The following ANKRD63 variants were observed in gnomAD, a reference collection of about 807,000 sequenced individuals.
ANKRD63 encodes ankyrin repeat domain-containing protein 63.
Under a neutral mutation model 21.2 loss-of-function variants are expected in ANKRD63, and 18 were observed. The observed-to-expected ratio is 0.85, with a 90% CI of 0.59 to 1.26. The LOEUF (loss-of-function observed/expected upper bound fraction) is 1.26. Among genes scored for constraint, ANKRD63 ranks in the 50% most tolerant of loss-of-function variants. The pLI is 0.00. For missense variants in ANKRD63, 523 were observed against 570.9 expected (o/e 0.92, Z 0.85); for synonymous variants, 322 against 273.3 (o/e 1.18, Z -1.76).
chr15:40,279,537 CGGGGCGCAGCGGGGA>C lies in ANKRD63; in HGVS notation c.*1892_*1906del, dbSNP rs1302720275. ...AAACCAGGATGTCTGAGCTCCGAGC[CGGGGCGCAGCGGGGA>C]GGGCCCAGCGCTGCCACCAGGGGGC... On this transcript the variant is annotated 3_prime_UTR_variant, in exon 1 of 1. Transcript: ENST00000434396. 6.6e-6 allele frequency among the ~76,000 whole-genome samples: 1 copy of C among 152,228 alleles called. No homozygotes were observed. Among genetic ancestry groups the C allele is most frequent in the East Asian group, 1.9e-4 (1 of 5,190 alleles).
chr15:40,280,974 G>A lies in ANKRD63; in HGVS notation c.*470C>T, dbSNP rs974232549. Among the ~76,000 whole-genome samples the A allele has an allele frequency of 3.3e-5, 5 of 152,374 alleles. No homozygotes were observed. Among genetic ancestry groups the A allele is most frequent in the Non-Finnish European group, 7.3e-5 (5 of 68,038 alleles). ...TCCTTTCCTTCTCCCACACTTGGAG[G>A]GAAAGGAGACTTTGGTAGTTTGTGG... On this transcript the variant is annotated 3_prime_UTR_variant, in exon 1 of 1. Coordinates refer to ENST00000434396, the MANE Select transcript of ANKRD63 (RefSeq NM_001190479.3).
In ANKRD63 at chr15:40,280,434, T is replaced by G. The variant is rs971648943; in HGVS notation, c.*1010A>C. Among the ~76,000 whole-genome samples the G allele has an allele frequency of 3.9e-5, 6 of 152,238 alleles. No homozygotes were observed. Among genetic ancestry groups the G allele is most frequent in the African/African-American group, 1.4e-4 (6 of 41,466 alleles). On this transcript the variant is annotated 3_prime_UTR_variant, in exon 1 of 1. Transcript: ENST00000434396. Reference sequence around the variant, plus strand: ...GCTTTCTGCTTCATATACAAAGGCTTAAAACACGAGTTCTTTGAGGATTGG... The same window carrying G: ...GCTTTCTGCTTCATATACAAAGGCTGAAAACACGAGTTCTTTGAGGATTGG...
rs1472691604 is a variant in ANKRD63, at chr15:40,281,347, G to A, written c.*97C>T. On this transcript the variant is annotated 3_prime_UTR_variant, in exon 1 of 1. Coordinates refer to ENST00000434396, the MANE Select transcript of ANKRD63 (RefSeq NM_001190479.3). The stretch of plus-strand genomic sequence containing the variant: ...GGCAGGTTCCAAAATGGACTGCGGG[G>A]GGCGGCTGCCGAAAAGGTGAGGGAC... The A allele has an allele frequency of 2.1e-5, 23 of 1,101,988 alleles. No individual in the cohort carries two copies. The highest frequency in any genetic ancestry group is 2.5e-5 in the Non-Finnish European group (21 of 839,648). 68.3% of individuals were successfully genotyped at this position (1,101,988 alleles called of 1,614,324 possible).
At position 40,281,543 on chromosome 15, in the gene ANKRD63, ACT is replaced by A. The variant is rs1195285081; in HGVS notation, c.1042_1043del (p.Ser348TrpfsTer57). The A allele has an allele frequency of 6.5e-7, 1 of 1,527,784 alleles. No homozygotes were observed. The highest frequency in any genetic ancestry group is 8.8e-7 in the Non-Finnish European group (1 of 1,142,850). 94.6% of individuals were successfully genotyped at this position (1,527,784 alleles called of 1,614,324 possible). A position where few individuals can be genotyped will look rare whatever the true frequency, so the allele number is the denominator to read the frequency against. On this transcript the variant is annotated frameshift_variant, in exon 1 of 1. Transcript: ENST00000434396. LOFTEE classifies it high-confidence loss of function. ...GAGCGTTGGCCTCTAACTCCGGGCC[ACT>A]CTCGGGCCCTGGCGCCTCCCCGACC... ...SLVGEAPGPE[S>X]GPELEANALS...
In ANKRD63 at chr15:40,279,855, G is replaced by A. The variant is rs934878559; in HGVS notation, c.*1589C>T. Reference sequence around the variant, plus strand: ...AAAGGCTTCAAGTTCCACCCTCAGGGTTCACAAAAGAGCCCCACCTGCCGC... The same window carrying A: ...AAAGGCTTCAAGTTCCACCCTCAGGATTCACAAAAGAGCCCCACCTGCCGC... On this transcript the variant is annotated 3_prime_UTR_variant, in exon 1 of 1. Transcript: ENST00000434396. Among the ~76,000 whole-genome samples, 2 of 152,248 alleles carry A rather than the reference G, an allele frequency of 1.3e-5. No individual in the cohort carries two copies. The highest frequency in any genetic ancestry group is 4.8e-5 in the African/African-American group (2 of 41,462).
Position 40,281,749 on chromosome 15 carries a change from G to C in ANKRD63, c.838C>G (p.Leu280Val). Residue 280 changes from leucine (L) to valine (V), a missense_variant, in exon 1 of 1, where the codon CTA becomes GTA. By Grantham distance (32) the Leu-to-Val change is conservative. Coordinates refer to ENST00000434396, the MANE Select transcript of ANKRD63 (RefSeq NM_001190479.3). ...ARLRAGALMA[L>V]PNSPQSSGTG... ...CCCGAAGACTGGGGCGAGTTTGGTA[G>C]GGCCATCAGGGCCCCAGCCCGCAGG... The C allele has an allele frequency of 2.0e-6, 3 of 1,535,148 alleles. No homozygotes were observed. Among genetic ancestry groups the C allele is most frequent in the Non-Finnish European group, 1.7e-6 (2 of 1,146,574 alleles).
In ANKRD63 at chr15:40,281,911, C is replaced by T. The variant is rs1311492629; in HGVS notation, c.676G>A (p.Ala226Thr). Residue 226 changes from alanine (A) to threonine (T), a missense_variant, in exon 1 of 1, where the codon GCG becomes ACG. Ala to Thr is a moderately conservative substitution (Grantham distance 58). Transcript: ENST00000434396. ...RPLLARFARA[A>T]GGHGGEAGSA... ...CCAGCCTCGCCGCCGTGGCCGCCCG[C>T]CGCTCGCGCAAAGCGCGCCAGGAGA... is the stretch of plus-strand genomic sequence containing the variant. 5.0e-6 allele frequency: 7 copies of T among 1,409,338 alleles called. No homozygotes were observed. The African/African-American group carries it at 7.6e-5, about 15-fold the overall frequency. The allele number at this position is 1,409,338 out of a possible 1,614,324, so 87.3% of individuals were successfully genotyped here. A position where few individuals can be genotyped will look rare whatever the true frequency, so the allele number is the denominator to read the frequency against.
chr15:40,279,639 C>G lies in ANKRD63; in HGVS notation c.*1805G>C, dbSNP rs1169788068. 6.6e-6 allele frequency among the ~76,000 whole-genome samples: 1 copy of G among 152,332 alleles called. No homozygotes were observed. Among genetic ancestry groups the G allele is most frequent in the Middle Eastern group, 3.4e-3 (1 of 294 alleles). ...CTAGCGGATGGGGGCAAGCGGAGGG[C>G]AAGGACTGGATAGGTGTCCTGACAC... On this transcript the variant is annotated 3_prime_UTR_variant, in exon 1 of 1. Coordinates refer to ENST00000434396, the MANE Select transcript of ANKRD63 (RefSeq NM_001190479.3).
Position 40,281,770 on chromosome 15 carries a change from G to C in ANKRD63, c.817C>G (p.Arg273Gly). 1 of 1,535,062 alleles carries C rather than the reference G, an allele frequency of 6.5e-7. No individual in the cohort carries two copies. The highest frequency in any genetic ancestry group is 8.7e-7 in the Non-Finnish European group (1 of 1,146,520). ...GGTAGGGCCATCAGGGCCCCAGCCC[G>C]CAGGCGGGCAGCCTCCTCCTCGGTT... ...AVTEEEAARL[R>G]AGALMALPNS... Residue 273 changes from arginine to glycine, a missense_variant, in exon 1 of 1, where the codon CGG becomes GGG. Arg to Gly is a moderately radical substitution (Grantham distance 125). Coordinates refer to ENST00000434396, the MANE Select transcript of ANKRD63 (RefSeq NM_001190479.3).
chr15:40,280,640 A>G lies in ANKRD63; in HGVS notation c.*804T>C, dbSNP rs1457545814. Among the ~76,000 whole-genome samples the G allele has an allele frequency of 6.6e-6, 1 of 152,204 alleles. No homozygotes were observed. Among genetic ancestry groups the G allele is most frequent in the Non-Finnish European group, 1.5e-5 (1 of 68,042 alleles). ...AGGGGTGAGGTGTTGAACCTCGATGATGGAATTCAAATGCATCTGAGCTGA... is the reference window on the plus strand; with the variant it reads ...AGGGGTGAGGTGTTGAACCTCGATGGTGGAATTCAAATGCATCTGAGCTGA... On this transcript the variant is annotated 3_prime_UTR_variant, in exon 1 of 1. Transcript: ENST00000434396.
chr15:40,282,032 C>T lies in ANKRD63; in HGVS notation c.555G>A (p.Ala185=). ...GPWGRAAAAA[A]ARGSNSDSPP... is the part of the protein sequence containing the mutation. ...GACTATCGGAGTTGGAGCCCCGGGC[C>T]GCAGCGGCGGCGGCGGCGCGGCCCC... Residue 185 remains alanine (A), a synonymous_variant, in exon 1 of 1, where the codon GCG becomes GCA. Transcript: ENST00000434396. 1 of 1,221,334 alleles carries T rather than the reference C, an allele frequency of 8.2e-7. No individual in the cohort carries two copies. The highest frequency in any genetic ancestry group is 3.9e-5 in the South Asian group (1 of 25,862). The allele number at this position is 1,221,334 out of a possible 1,614,324, so 75.7% of individuals were successfully genotyped here. A position where few individuals can be genotyped will look rare whatever the true frequency, so the allele number is the denominator to read the frequency against.
In ANKRD63 at chr15:40,281,964, C is replaced by A; in HGVS notation, c.623G>T (p.Arg208Leu). The A allele has an allele frequency of 1.6e-6, 2 of 1,265,442 alleles. No individual in the cohort carries two copies. The highest frequency in any genetic ancestry group is 2.7e-5 in the South Asian group (1 of 37,078). 78.4% of individuals were successfully genotyped at this position (1,265,442 alleles called of 1,614,324 possible). A position where few individuals can be genotyped will look rare whatever the true frequency, so the allele number is the denominator to read the frequency against. ...CCGCGGGAGGCGGCGGGGGCTGGGTCGTCGATGCTCGGGGCTGGCCGCGGG... is the reference window on the plus strand; with the variant it reads ...CCGCGGGAGGCGGCGGGGGCTGGGTAGTCGATGCTCGGGGCTGGCCGCGGG... ...PAPAASPEHR[R>L]PSPRRLPRPL... The change falls in exon 1 of 1, where the codon CGA becomes CTA. Residue 208 changes from arginine (R) to leucine (L), a missense_variant. Arg to Leu is a moderately radical substitution (Grantham distance 102). Around this residue, in one of 2 missense-constraint regions of ANKRD63, gnomAD observed 308 missense variants for 290.4 expected, o/e 1.06. Coordinates refer to ENST00000434396, the MANE Select transcript of ANKRD63 (RefSeq NM_001190479.3).
chr15:40,281,377 AAGAG>A lies in ANKRD63; in HGVS notation c.*63_*66del, dbSNP rs1008410360. On this transcript the variant is annotated 3_prime_UTR_variant, in exon 1 of 1. Coordinates refer to ENST00000434396, the MANE Select transcript of ANKRD63 (RefSeq NM_001190479.3). ...GCTGCCGAAAAGGTGAGGGACCTAG[AAGAG>A]AGAAATACCAGTGGAGTAGAAACGG... 3.1e-6 allele frequency: 4 copies of A among 1,287,014 alleles called. No homozygotes were observed. The African/African-American group carries it at 4.6e-5, about 15-fold the overall frequency. 79.7% of individuals were successfully genotyped at this position (1,287,014 alleles called of 1,614,324 possible). A position where few individuals can be genotyped will look rare whatever the true frequency, so the allele number is the denominator to read the frequency against.
At position 40,281,973 on chromosome 15, in the gene ANKRD63, T is replaced by G; in HGVS notation, c.614A>C (p.Glu205Ala). The change falls in exon 1 of 1, where the codon GAG becomes GCG. Residue 205 changes from glutamate to alanine, a missense_variant. Coordinates refer to ENST00000434396, the MANE Select transcript of ANKRD63 (RefSeq NM_001190479.3). ...PGRPAPAASP[E>A]HRRPSPRRLP... ...GCGGCGGGGGCTGGGTCGTCGATGC[T>G]CGGGGCTGGCCGCGGGGGCCGGGCG... The G allele has an allele frequency of 4.0e-6, 5 of 1,237,172 alleles. No homozygotes were observed. Among genetic ancestry groups the G allele is most frequent in the Non-Finnish European group, 5.0e-6 (5 of 992,422 alleles). The allele number at this position is 1,237,172 out of a possible 1,614,324, so 76.6% of individuals were successfully genotyped here.
rs752568574 is a variant in ANKRD63 at position 40,281,527 on chromosome 15, C to A, written c.1060G>T (p.Ala354Ser). The A allele has an allele frequency of 5.2e-6, 8 of 1,524,514 alleles. No individual in the cohort carries two copies. The South Asian group carries it at 8.4e-5, about 16-fold the overall frequency. The allele number at this position is 1,524,514 out of a possible 1,614,324, so 94.4% of individuals were successfully genotyped here. The part of the protein sequence containing the change: ...PGPESGPELE[A>S]NALSVSVPGP... ...GGCACCGAGACAGACAGAGCGTTGG[C>A]CTCTAACTCCGGGCCACTCTCGGGC... The change falls in exon 1 of 1, where the codon GCC becomes TCC. Residue 354 changes from alanine to serine, a missense_variant. Around this residue, in one of 2 missense-constraint regions of ANKRD63, gnomAD observed 308 missense variants for 290.4 expected, o/e 1.06. Coordinates refer to ENST00000434396, the MANE Select transcript of ANKRD63 (RefSeq NM_001190479.3).
At position 40,281,007 on chromosome 15, in the gene ANKRD63, G is replaced by C. The variant is rs554609987; in HGVS notation, c.*437C>G. On this transcript the variant is annotated 3_prime_UTR_variant, in exon 1 of 1. Coordinates refer to ENST00000434396, the MANE Select transcript of ANKRD63 (RefSeq NM_001190479.3). The stretch of plus-strand genomic sequence containing the variant: ...GACTTTGGTAGTTTGTGGGATTATT[G>C]TCAGCATCAGTAGGCAGAAAGTGGG... Among the ~76,000 whole-genome samples the C allele has an allele frequency of 2.0e-5, 3 of 152,336 alleles. No individual in the cohort carries two copies. Among genetic ancestry groups the C allele is most frequent in the African/African-American group, 7.2e-5 (3 of 41,566 alleles).
Position 40,282,655 on chromosome 15 carries a change from G to C in ANKRD63, c.-69C>G, listed in dbSNP as rs1024498193. 21 of 1,244,538 alleles carry C rather than the reference G, an allele frequency of 1.7e-5. No homozygotes were observed. The highest frequency in any genetic ancestry group is 4.8e-5 in the African/African-American group (3 of 62,878). The allele number at this position is 1,244,538 out of a possible 1,614,324, so 77.1% of individuals were successfully genotyped here. A position where few individuals can be genotyped will look rare whatever the true frequency, so the allele number is the denominator to read the frequency against. On this transcript the variant is annotated 5_prime_UTR_variant, in exon 1 of 1. Coordinates refer to ENST00000434396, the MANE Select transcript of ANKRD63 (RefSeq NM_001190479.3). ...GGGCGCCCCTGTTCTCGCGCCCCGCGGGGCTCCGGCCTCCGCCCGCGCTCT... is the reference window on the plus strand; with the variant it reads ...GGGCGCCCCTGTTCTCGCGCCCCGCCGGGCTCCGGCCTCCGCCCGCGCTCT...
Position 40,281,777 on chromosome 15 carries a change from G to A in ANKRD63, c.810C>T (p.Ala270=). 3.3e-6 allele frequency: 5 copies of A among 1,535,108 alleles called. No individual in the cohort carries two copies. The highest frequency in any genetic ancestry group is 4.4e-6 in the Non-Finnish European group (5 of 1,146,548). ...ALGAVTEEEA[A]RLRAGALMAL... is the part of the protein sequence containing the mutation. ...CCATCAGGGCCCCAGCCCGCAGGCG[G>A]GCAGCCTCCTCCTCGGTTACCGCAC... Residue 270 remains alanine, a synonymous_variant, in exon 1 of 1, where the codon GCC becomes GCT. Coordinates refer to ENST00000434396, the MANE Select transcript of ANKRD63 (RefSeq NM_001190479.3).
In ANKRD63 at chr15:40,281,308, C is replaced by T. The variant is rs1229214259; in HGVS notation, c.*136G>A. 4.6e-6 allele frequency: 3 copies of T among 652,346 alleles called. No homozygotes were observed. Among genetic ancestry groups the T allele is most frequent in the Non-Finnish European group, 2.3e-6 (1 of 432,680 alleles). The allele number at this position is 652,346 out of a possible 1,614,324, so 40.4% of individuals were successfully genotyped here. Reference sequence around the variant, plus strand: ...TCTGGTGGAGGGCTGGTGGAGGTCTCGCCTTGGCAGGGAGGCAGGTTCCAA... The same window carrying T: ...TCTGGTGGAGGGCTGGTGGAGGTCTTGCCTTGGCAGGGAGGCAGGTTCCAA... On this transcript the variant is annotated 3_prime_UTR_variant, in exon 1 of 1. Transcript: ENST00000434396.
Sources: allele counts gnomAD v4.1 joint callset (sites outside exome capture counted in the v4.1 genomes callset), GRCh38; gene constraint gnomAD v4.1.1; regional missense constraint gnomAD v4.1.1; transcripts MANE v1.5; gene names NCBI Gene and HGNC (gene_info 2026-07-23, HGNC 2026-07-21).